DLC1: variants seen among roughly 807,000 people sequenced by gnomAD.
The protein encoded by DLC1 is DLC1 Rho GTPase activating protein, also known as rho GTPase-activating protein 7.
DLC1 carries 54 observed loss-of-function variants against 140.3 expected under a neutral mutation model. The ratio of observed to expected loss-of-function variants is 0.38; its 90% CI spans 0.31 to 0.48. The LOEUF (loss-of-function observed/expected upper bound fraction) is 0.48, where lower values mean the gene tolerates loss of function less well. Among genes scored for constraint, DLC1 ranks in the 20% least tolerant of loss-of-function variants. The probability of loss-of-function intolerance (pLI) is 0.96; values close to 1 mark genes in which losing one functional copy is unlikely to be tolerated. For synonymous variants in DLC1, 986 were observed against 728.1 expected, an observed-to-expected ratio of 1.35 and a Z score of -5.70; for missense variants, 2,536 against 1,907.0, an observed-to-expected ratio of 1.33 and a Z score of -6.14.
intron 5 of DLC1, among the ~76,000 whole-genome samples, chr8:13,178,373 C>G (rs1335048730): frequency 6.6e-6 from 1 of 151,952 alleles, no homozygotes; most frequent in Non-Finnish European, 1.5e-5. Flanking sequence ...CCATCCTGGC[C>G]AACACACTGA....
At chr8:13,153,309 T>G (rs966449794) in intron 5 of DLC1, among the ~76,000 whole-genome samples, 1 of 152,170 alleles carries the variant, frequency 6.6e-6, no homozygotes, top group Non-Finnish European at 1.5e-5. Flanking sequence ...GGAGTTGTTC[T>G]CTCCTCCCGG....
In DLC1 at chr8:13,499,963, C is replaced by T; in HGVS notation, c.109G>A (p.Ala37Thr). 6.2e-7 allele frequency: 1 copy of T among 1,614,086 alleles called. No individual in the cohort carries two copies. The highest frequency in any genetic ancestry group is 8.5e-7 in the Non-Finnish European group (1 of 1,179,996). The change falls in exon 2 of 18, where the codon GCT becomes ACT. Residue 37 changes from alanine (A) to threonine (T), a missense_variant. Coordinates refer to ENST00000276297, the MANE Select transcript of DLC1 (RefSeq NM_182643.3). ...RNTACHHGLV[A>T]DSLQASMEKD... Reference sequence around the variant, plus strand: ...TCCATACTTGCCTGCAAGCTGTCAGCTACTAGTCCATGATGACATGCTGTG... The same window carrying T: ...TCCATACTTGCCTGCAAGCTGTCAGTTACTAGTCCATGATGACATGCTGTG...
At chr8:13,425,581 A>G (rs1177754990) in intron 2 of DLC1, among the ~76,000 whole-genome samples, 1 of 152,164 alleles carries the variant, frequency 6.6e-6, no homozygotes, top group African/African-American at 2.4e-5. Flanking sequence ...GAGGGATGTT[A>G]TAAAGCCTAC....
At chr8:13,476,320 G>T (rs749531438) in intron 2 of DLC1, among the ~76,000 whole-genome samples, 13 of 152,224 alleles carry the variant, frequency 8.5e-5, no homozygotes, top group Non-Finnish European at 1.5e-4. Flanking sequence ...AAAAAATCTG[G>T]ATTGAGGTTT....
chr8:13,444,520 G>A (rs116175864), intron 2 of DLC1, among the ~76,000 whole-genome samples: 4,095 of 152,196 alleles, frequency 0.027, 183 homozygotes, highest in African/African-American at 0.093. Flanking sequence ...TTCAGTGATC[G>A]AAGTGGCAAG....
intron 2 of DLC1, among the ~76,000 whole-genome samples, chr8:13,449,522 G>A (rs570784555): frequency 6.6e-6 from 1 of 152,272 alleles, no homozygotes; most frequent in African/African-American, 2.4e-5. Flanking sequence ...CCTGACACAG[G>A]TGGAAAGAAT....
intron 7 of DLC1, among the ~76,000 whole-genome samples, chr8:13,107,435 G>C (rs12548161): frequency 0.3 from 45,701 of 152,042 alleles, 7,804 homozygotes; most frequent in East Asian, 0.56. Context: ...GGAGGTAGGT[G>C]GGAAAGATTT....
chr8:13,359,095 C>A (rs376323603), intron 4 of DLC1, among the ~76,000 whole-genome samples: 1 of 152,120 alleles, frequency 6.6e-6, no homozygotes, highest in African/African-American at 2.4e-5. Flanking sequence ...CCCGCCACCA[C>A]GCCCGGCTAA....
At chr8:13,255,133 CG>C (rs941684443) in intron 5 of DLC1, among the ~76,000 whole-genome samples, 1 of 152,028 alleles carries the variant, frequency 6.6e-6, no homozygotes, top group African/African-American at 2.4e-5. Context: ...CGTGCCACCA[CG>C]CCCAGCTAAC....
At chr8:13,460,000 G>A (rs1799587462) in intron 2 of DLC1, among the ~76,000 whole-genome samples, 1 of 152,082 alleles carries the variant, frequency 6.6e-6, no homozygotes, top group Non-Finnish European at 1.5e-5. Flanking sequence ...CCACCCTTCA[G>A]TTCAATTGAA....
intron 1 of DLC1, among the ~76,000 whole-genome samples, chr8:13,572,010 G>A (rs922121091): frequency 5.3e-5 from 8 of 151,878 alleles, no homozygotes; most frequent in African/African-American, 1.9e-4. Context: ...ATCTCATTTA[G>A]CAAAATGTCT....
chr8:13,585,728 G>A (rs927281487), intron 1 of DLC1, among the ~76,000 whole-genome samples: 1 of 152,050 alleles, frequency 6.6e-6, no homozygotes, highest in Non-Finnish European at 1.5e-5. Context: ...TTGGCTTGTA[G>A]GAACATCACC....
chr8:13,157,602 C>T (rs891740453), intron 5 of DLC1, among the ~76,000 whole-genome samples: 4 of 147,186 alleles, frequency 2.7e-5, no homozygotes, highest in Non-Finnish European at 4.4e-5. Context: ...AAGGGTCAAG[C>T]AGCCTGTTGC....
intron 1 of DLC1, among the ~76,000 whole-genome samples, chr8:13,580,121 A>ATTTTTTTTTTTAATTTT (rs71207167): frequency 6.6e-6 from 1 of 150,472 alleles, no homozygotes; most frequent in African/African-American, 2.5e-5. Flanking sequence ...AGTTGGTTAC[A>ATTTTTTTTTTTAATTTT]TTTATTTTTT....
intron 2 of DLC1, among the ~76,000 whole-genome samples, chr8:13,446,603 G>A (rs183600125): frequency 4.6e-5 from 7 of 152,092 alleles, no homozygotes; most frequent in Admixed American, 2.0e-4. Flanking sequence ...AGGAAGGAAC[G>A]GAGGGAAGGG....
At chr8:13,400,269 C>T (rs1454957) in intron 3 of DLC1, among the ~76,000 whole-genome samples, 36,869 of 152,016 alleles carry the variant, frequency 0.24, 5,200 homozygotes, top group Admixed American at 0.3. Context: ...TAAATATGTA[C>T]TCTGTGCTTG....
intron 5 of DLC1, among the ~76,000 whole-genome samples, chr8:13,134,981 A>G (rs1356102293): frequency 1.3e-5 from 2 of 152,080 alleles, no homozygotes; most frequent in Non-Finnish European, 2.9e-5. Flanking sequence ...GTTGTATGAA[A>G]AAGCGGTGCT....
chr8:13,370,982 A>T (rs1366825235), intron 4 of DLC1, among the ~76,000 whole-genome samples: 1 of 152,124 alleles, frequency 6.6e-6, no homozygotes, highest in African/African-American at 2.4e-5. Flanking sequence ...GACGTACTCT[A>T]TTCTTGAGGG....
At chr8:13,115,782 A>C in intron 5 of DLC1, 125 bp from the exon 6 acceptor site, 1 of 859,122 alleles carries the variant, frequency 1.2e-6, no homozygotes, top group African/African-American at 1.7e-5. Flanking sequence ...CAGATAAGCA[A>C]ACAGACATAC....
Sources: gnomAD v4.1 joint callset for allele counts (sites outside exome capture counted in the v4.1 genomes callset) on GRCh38, gnomAD v4.1.1 for gene constraint, MANE v1.5 for transcripts, NCBI Gene and HGNC (gene_info 2026-07-23, HGNC 2026-07-21) for gene names.